PRDM2: variants seen among roughly 807,000 people sequenced by gnomAD.
PRDM2 encodes PR domain zinc finger protein 2.
Under a neutral mutation model 130.0 loss-of-function variants are expected in PRDM2, and 30 were observed. The observed-to-expected ratio is 0.23, with a 90% CI of 0.17 to 0.31. PRDM2 has a LOEUF of 0.31. Ranked by LOEUF, PRDM2 falls within the 10% of genes least tolerant of loss-of-function variation. The pLI, the probability that PRDM2 is intolerant of heterozygous loss-of-function variation, is 1.00. For synonymous variants in PRDM2, 871 were observed against 782.4 expected, an observed-to-expected ratio of 1.11 and a Z score of -1.89; for missense variants, 2,011 against 2,108.4, an observed-to-expected ratio of 0.95 and a Z score of 0.90.
chr1:13,741,381 G>T (rs1643432220), intron 4 of PRDM2, among the ~76,000 whole-genome samples: 1 of 152,172 alleles, frequency 6.6e-6, no homozygotes. Context: ...CATCCTTGCA[G>T]ATGCTCTGGA....
Position 13,823,916 on chromosome 1 carries a change from A to G in PRDM2, c.*781A>G, listed in dbSNP as rs1319764805. 6.6e-6 allele frequency: 1 copy of G among 152,152 alleles called. No homozygotes were observed. The highest frequency in any genetic ancestry group is 2.4e-5 in the African/African-American group (1 of 41,416). 9.4% of individuals were successfully genotyped at this position (152,152 alleles called of 1,614,324 possible). On this transcript the variant is annotated 3_prime_UTR_variant, in exon 10 of 10. Coordinates refer to ENST00000311066, the MANE Select transcript of PRDM2 (RefSeq NM_001393986.1). ...TGGGGACGGTGTATGGAGGGGAGGG[A>G]TCTCCTGCGCCCTTCATTGCCACAC...
chr1:13,784,014 A>G (rs140412474), intron 8 of PRDM2, among the ~76,000 whole-genome samples: 1 of 152,320 alleles, frequency 6.6e-6, no homozygotes, highest in African/African-American at 2.4e-5. Context: ...TGTGCCTTAA[A>G]TCACAGCTAA....
At chr1:13,816,362 C>G in intron 8 of PRDM2, 65 bp from the exon 9 acceptor site, 1 of 1,587,152 alleles carries the variant, frequency 6.3e-7, no homozygotes, top group Non-Finnish European at 8.6e-7. Context: ...GAAGCCCCCC[C>G]AGCAATGTCT....
At chr1:13,793,236 C>T (rs906637945) in intron 8 of PRDM2, among the ~76,000 whole-genome samples, 1 of 152,244 alleles carries the variant, frequency 6.6e-6, no homozygotes, top group Admixed American at 6.5e-5. Context: ...TCTGTGCCCC[C>T]CACCTGCCAC....
chr1:13,722,413 G>T (rs995824612), intron 2 of PRDM2, among the ~76,000 whole-genome samples: 3 of 152,146 alleles, frequency 2.0e-5, no homozygotes, highest in African/African-American at 7.2e-5. Context: ...GGTAGGAGGG[G>T]CCAGAGGGTG....
At chr1:13,756,501 A>G (rs1320577639) in intron 6 of PRDM2, among the ~76,000 whole-genome samples, 1 of 152,172 alleles carries the variant, frequency 6.6e-6, no homozygotes, top group Admixed American at 6.5e-5. Context: ...TGTTTTATTA[A>G]TATTCCTAAT....
At chr1:13,747,235 T>A (rs539172912) in intron 5 of PRDM2, among the ~76,000 whole-genome samples, 1 of 152,262 alleles carries the variant, frequency 6.6e-6, no homozygotes, top group Non-Finnish European at 1.5e-5. Context: ...TCCCATGCTC[T>A]TTTTTGCATT....
chr1:13,779,474 G>A lies in PRDM2; in HGVS notation c.1679G>A (p.Ser560Asn), dbSNP rs1197756131. 3 of 1,614,106 alleles carry A rather than the reference G, an allele frequency of 1.9e-6. No individual in the cohort carries two copies. The highest frequency in any genetic ancestry group is 2.2e-5 in the South Asian group (2 of 91,076). Residue 560 changes from serine (S) to asparagine (N), a missense_variant, in exon 8 of 10, where the codon AGC (serine) becomes AAC (asparagine). Coordinates refer to ENST00000311066, the MANE Select transcript of PRDM2 (RefSeq NM_001393986.1). This position sits in a 1 kb window ranked among gnomAD's most constrained non-coding sequence, Gnocchi z 4.9. ...ADDVYIMDIS[S>N]NISENLNYYI... is the part of the protein sequence containing the mutation. ...GATGTGTACATCATGGACATTTCTA[G>A]CAATATCTCTGAAAACTTAAATTAC...
intron 2 of PRDM2, among the ~76,000 whole-genome samples, chr1:13,729,674 T>A (rs939872120): frequency 1.3e-5 from 2 of 152,182 alleles, no homozygotes; most frequent in African/African-American, 2.4e-5. Flanking sequence ...TAATTGGCTA[T>A]CTTATGTTTT....
chr1:13,817,426 A>G (rs1168798093), intron 9 of PRDM2, among the ~76,000 whole-genome samples: 1 of 152,114 alleles, frequency 6.6e-6, no homozygotes, highest in Admixed American at 6.6e-5. Flanking sequence ...CTGTTGGATA[A>G]AAACATGGAA....
chr1:13,783,047 C>T, intron 8 of PRDM2: 1 of 1,114,686 alleles, frequency 9.0e-7, no homozygotes, highest in Non-Finnish European at 1.3e-6. Context: ...CAAAGCAGTG[C>T]CACTTCTTTA....
rs1430646854 is a variant in PRDM2 at position 13,732,133 on chromosome 1, A to G, written c.128-646A>G. Among the ~76,000 whole-genome samples, 4 of 152,072 alleles carry G rather than the reference A, an allele frequency of 2.6e-5. No homozygotes were observed. In the East Asian group the frequency reaches 7.7e-4, roughly 29 times the overall value. On this transcript the variant is annotated intron_variant, in intron 3 of 9. Transcript: ENST00000311066. The stretch of plus-strand genomic sequence containing the variant: ...ATTTTACTGTCTGCTTGCTCATTAT[A>G]TCGCTTTCCGTTATGGTCAGTGCAT...
At chr1:13,710,769 G>A (rs1642343853) in intron 1 of PRDM2, among the ~76,000 whole-genome samples, 1 of 152,158 alleles carries the variant, frequency 6.6e-6, no homozygotes, top group Admixed American at 6.5e-5. Flanking sequence ...CAAAGCAGAG[G>A]CACTTAATTG....
intron 1 of PRDM2, among the ~76,000 whole-genome samples, chr1:13,712,691 G>A (rs1045104953): frequency 6.6e-6 from 1 of 152,130 alleles, no homozygotes; most frequent in Non-Finnish European, 1.5e-5. Flanking sequence ...CTGGAAGGAG[G>A]TGGGGGCTGC....
At chr1:13,810,851 A>G (rs1409902403) in intron 8 of PRDM2, among the ~76,000 whole-genome samples, 1 of 151,696 alleles carries the variant, frequency 6.6e-6, no homozygotes, top group East Asian at 2.0e-4. Context: ...AGGCCCAGGC[A>G]TGAATTTTAG....
At chr1:13,727,862 T>C (rs1642973941) in intron 2 of PRDM2, among the ~76,000 whole-genome samples, 1 of 152,240 alleles carries the variant, frequency 6.6e-6, no homozygotes, top group South Asian at 2.1e-4. Context: ...TGAACCTGTT[T>C]AGATATGATA....
chr1:13,789,084 A>T (rs949342673), intron 8 of PRDM2, among the ~76,000 whole-genome samples: 4 of 152,204 alleles, frequency 2.6e-5, no homozygotes, highest in Admixed American at 6.5e-5. Flanking sequence ...CTCTGCCTGG[A>T]ACATGACAGG....
At chr1:13,821,430 A>ATATTTATT (rs1557682356) in intron 9 of PRDM2, among the ~76,000 whole-genome samples, 1 of 142,188 alleles carries the variant, frequency 7.0e-6, no homozygotes, top group Admixed American at 7.2e-5. Flanking sequence ...AATGCAGTGA[A>ATATTTATT]CATTTATTTA....
At chr1:13,738,776 C>T (rs187860977) in intron 4 of PRDM2, 1 of 152,198 alleles carries the variant, frequency 6.6e-6, no homozygotes, top group East Asian at 1.9e-4. Context: ...CTCTGATCTC[C>T]TAAAGTAATC....
Sources: allele counts gnomAD v4.1 joint callset (sites outside exome capture counted in the v4.1 genomes callset), GRCh38; gene constraint gnomAD v4.1.1; non-coding constraint Gnocchi (gnomAD v3.1); transcripts MANE v1.5; gene names NCBI Gene and HGNC (gene_info 2026-07-23, HGNC 2026-07-21).